Variants in MYOG observed in about 807,000 individuals in gnomAD.
The protein encoded by MYOG is class C basic helix-loop-helix protein 3.
MYOG carries 6 observed loss-of-function variants against 17.7 expected under a neutral mutation model. The observed-to-expected ratio is 0.34, with a 90% CI of 0.19 to 0.67. MYOG has a LOEUF of 0.67. Among genes scored for constraint, MYOG ranks in the 30% least tolerant of loss-of-function variants. MYOG has a pLI of 0.69. For missense variants in MYOG, 272 were observed against 302.0 expected (o/e 0.90, Z 0.74); for synonymous variants, 125 against 130.2 (o/e 0.96, Z 0.27).
intron 1 of MYOG, among the ~76,000 whole-genome samples, chr1:203,085,257 A>G (rs1571761856): frequency 6.6e-6 from 1 of 151,704 alleles, no homozygotes; most frequent in Admixed American, 6.6e-5. Flanking sequence ...TATGTTCCCC[A>G]CCCCAACCCC....
intron 1 of MYOG, among the ~76,000 whole-genome samples, chr1:203,085,083 G>T (rs541911400): frequency 1.3e-4 from 20 of 152,202 alleles, no homozygotes; most frequent in Non-Finnish European, 2.1e-4. Flanking sequence ...GTTCCAATGA[G>T]ACTGAGTGGG....
chr1:203,084,661 C>A lies in MYOG; in HGVS notation c.539G>T (p.Ser180Ile). 6.2e-7 allele frequency: 1 copy of A among 1,610,824 alleles called. No individual in the cohort carries two copies. The change falls in exon 2 of 3, where the codon AGC becomes ATC. Residue 180 changes from serine to isoleucine, a missense_variant. Physicochemically the swap from Ser to Ile is moderately radical, Grantham distance 142. Transcript: ENST00000241651. ...SPEWGSALEF[S>I]ANPGDHLLTA... is the part of the protein sequence containing the mutation. ...GCCTTACTTACCCCCTGGGTTGGCG[C>A]TGAACTCCAGTGCACTGCCCCACTC...
chr1:203,085,497 C>CT lies in MYOG; in HGVS notation c.464dup (p.Pro156AlafsTer36), dbSNP rs1400538599. ...GGATGGGATGGCCACTTACCCCTGG[C>CT]TGGGGCCCGCCCCCGCCCCGGTAGC... On this transcript the variant is annotated frameshift_variant, in exon 1 of 3. Coordinates refer to ENST00000241651, the MANE Select transcript of MYOG (RefSeq NM_002479.6). LOFTEE classifies it high-confidence loss of function. 3.1e-6 allele frequency: 5 copies of CT among 1,611,376 alleles called. No individual in the cohort carries two copies. In the South Asian group the frequency reaches 5.5e-5, roughly 18 times the overall value.
chr1:203,085,623 G>C lies in MYOG; in HGVS notation c.339C>G (p.Asn113Lys), dbSNP rs530471669. ...GGATCTCCACCTTGGGCAGCCGCTGGTTGGGGTTGAGCAGGGTGCTTCTCT... is the reference window on the plus strand; with the variant it reads ...GGATCTCCACCTTGGGCAGCCGCTGCTTGGGGTTGAGCAGGGTGCTTCTCT... ...ALKRSTLLNPNQRLPKVEILR... is the reference protein window; with the variant it reads ...ALKRSTLLNPKQRLPKVEILR... The change falls in exon 1 of 3, where the codon AAC becomes AAG. Residue 113 changes from asparagine to lysine, a missense_variant. Physicochemically the swap from Asn to Lys is moderately conservative, Grantham distance 94 (BLOSUM62 0). Coordinates refer to ENST00000241651, the MANE Select transcript of MYOG (RefSeq NM_002479.6). The C allele has an allele frequency of 4.3e-6, 7 of 1,614,178 alleles. No homozygotes were observed. In the Admixed American group the frequency reaches 1.2e-4, roughly 27 times the overall value.
At chr1:203,084,581 G>C in intron 2 of MYOG, 66 bp downstream of exon 2, 1 of 1,375,146 alleles carries the variant, frequency 7.3e-7, no homozygotes. Flanking sequence ...AAGGTAAGAG[G>C]GGAGAACCTG....
At position 203,083,494 on chromosome 1, in the gene MYOG, C is replaced by G. The variant is rs747100413; in HGVS notation, c.*416G>C. The G allele has an allele frequency of 5.7e-5, 24 of 420,698 alleles. No homozygotes were observed. Among genetic ancestry groups the G allele is most frequent in the Admixed American group, 7.7e-5 (2 of 25,844 alleles). 26.1% of individuals were successfully genotyped at this position (420,698 alleles called of 1,614,324 possible). On this transcript the variant is annotated 3_prime_UTR_variant, in exon 3 of 3. Transcript: ENST00000241651. ...GCAGGCCCAGCCCAGCCACTGGCAT[C>G]GGGAAGAGACCAGAACAGGAGACGT... is the stretch of plus-strand genomic sequence containing the variant.
At chr1:203,084,793 G>T in intron 1 of MYOG, 65 bp from the exon 2 acceptor site, 1 of 1,465,540 alleles carries the variant, frequency 6.8e-7, no homozygotes, top group Non-Finnish European at 9.3e-7. Flanking sequence ...TCTCTGCCTA[G>T]TCCCAGTGGG....
Position 203,084,642 on chromosome 1 carries a change from CTT to C in MYOG, c.553+3_553+4del, listed in dbSNP as rs1653577106. The C allele has an allele frequency of 5.6e-6, 9 of 1,608,770 alleles. No homozygotes were observed. Among genetic ancestry groups the C allele is most frequent in the Admixed American group, 3.4e-5 (2 of 59,534 alleles). ...AGCCAAGGTTACCAGTCAGGCCTTA[CTT>C]ACCCCCTGGGTTGGCGCTGAACTCC... On this transcript the variant is annotated splice_donor_region_variant and intron_variant, in intron 2 of 2. Transcript: ENST00000241651.
In MYOG at chr1:203,085,502, GC is replaced by G. The variant is rs747155292; in HGVS notation, c.459del (p.Gln155SerfsTer98). 6.2e-7 allele frequency: 1 copy of G among 1,612,060 alleles called. No individual in the cohort carries two copies. On this transcript the variant is annotated frameshift_variant, in exon 1 of 3. Coordinates refer to ENST00000241651, the MANE Select transcript of MYOG (RefSeq NM_002479.6). LOFTEE classifies it high-confidence loss of function. ...GGATGGCCACTTACCCCTGGCTGGG[GC>G]CCGCCCCCGCCCCGGTAGCGGAGGT... The part of the protein sequence containing the change: ...ERDLRYRGGG[G>X]PQPGVPSECS...
In MYOG at chr1:203,084,693, G is replaced by T; in HGVS notation, c.507C>A (p.Cys169Ter). The change falls in exon 2 of 3, where the codon TGC becomes TGA. Residue 169 changes from cysteine to a stop codon, truncating the protein, a stop_gained. Transcript: ENST00000241651. LOFTEE classifies it high-confidence loss of function. ...CCAGTGCACTGCCCCACTCTGGACTGCAGGAGGCGCTGTGAGAGCTGCATT... is the reference window on the plus strand; with the variant it reads ...CCAGTGCACTGCCCCACTCTGGACTTCAGGAGGCGCTGTGAGAGCTGCATT... ...PSECSSHSAS[C>*]SPEWGSALEF... The T allele has an allele frequency of 1.2e-6, 2 of 1,611,704 alleles. No individual in the cohort carries two copies. The highest frequency in any genetic ancestry group is 1.7e-6 in the Non-Finnish European group (2 of 1,178,914).
Position 203,085,955 on chromosome 1 carries a change from G to A in MYOG, c.7C>T (p.Leu3=). The part of the protein sequence containing the change: ME[L]YETSPYFYQE... ...TAGAAGTAGGGGGATGTCTCATACAGCTCCATGGGGTCGGAAAAGGCTTGT... is the reference window on the plus strand; with the variant it reads ...TAGAAGTAGGGGGATGTCTCATACAACTCCATGGGGTCGGAAAAGGCTTGT... Residue 3 remains leucine, a synonymous_variant, in exon 1 of 3, where the codon CTG becomes TTG. Coordinates refer to ENST00000241651, the MANE Select transcript of MYOG (RefSeq NM_002479.6). The A allele has an allele frequency of 6.4e-7, 1 of 1,560,440 alleles. No individual in the cohort carries two copies. Among genetic ancestry groups the A allele is most frequent in the South Asian group, 1.2e-5 (1 of 81,742 alleles).
chr1:203,085,811 C>G lies in MYOG; in HGVS notation c.151G>C (p.Glu51Gln). 2 of 1,613,954 alleles carry G rather than the reference C, an allele frequency of 1.2e-6. No individual in the cohort carries two copies. Among genetic ancestry groups the G allele is most frequent in the Non-Finnish European group, 1.7e-6 (2 of 1,179,920 alleles). ...TLSPEAPGPLEDKGLGTPEHC... is the reference protein window; with the variant it reads ...TLSPEAPGPLQDKGLGTPEHC... ...TCGGGGGTCCCCAGCCCCTTGTCCTCAAGGGGCCCTGGGGCCTCGGGGCTC... is the reference window on the plus strand; with the variant it reads ...TCGGGGGTCCCCAGCCCCTTGTCCTGAAGGGGCCCTGGGGCCTCGGGGCTC... The change falls in exon 1 of 3, where the codon GAG becomes CAG. Residue 51 changes from glutamate to glutamine, a missense_variant. Physicochemically the swap from Glu to Gln is conservative, Grantham distance 29. Coordinates refer to ENST00000241651, the MANE Select transcript of MYOG (RefSeq NM_002479.6).
In MYOG at chr1:203,083,324, G is replaced by A. The variant is rs922035541; in HGVS notation, c.*586C>T. The A allele has an allele frequency of 5.9e-5, 11 of 185,816 alleles. No homozygotes were observed. Among genetic ancestry groups the A allele is most frequent in the South Asian group, 2.0e-4 (1 of 5,116 alleles). 11.5% of individuals were successfully genotyped at this position (185,816 alleles called of 1,614,324 possible). On this transcript the variant is annotated 3_prime_UTR_variant, in exon 3 of 3. Transcript: ENST00000241651. ...AACTTCAGCACAGGAGACCTTGGTC[G>A]GATGGCAGCTTTACAAACAACACAC...
At chr1:203,084,518 G>T in intron 2 of MYOG, 129 bp downstream of exon 2, 2 of 809,438 alleles carry the variant, frequency 2.5e-6, no homozygotes, top group Non-Finnish European at 4.0e-6. Context: ...TTTGGGCCTT[G>T]GAGTCAGCAG....
chr1:203,084,195 A>AGTGTGTGTGTGTGTGT (rs3835486), intron 2 of MYOG, among the ~76,000 whole-genome samples, 164 bp from the exon 3 acceptor site: 10,440 of 135,310 alleles, frequency 0.077, 709 homozygotes, highest in Non-Finnish European at 0.1. Context: ...ATGCTCTGTG[A>AGTGTGTGTGTGTGTGT]GTGTGTGTGT....
Position 203,085,764 on chromosome 1 carries a change from C to T in MYOG, c.198G>A (p.Leu66=). 3 of 1,614,092 alleles carry T rather than the reference C, an allele frequency of 1.9e-6. No homozygotes were observed. The highest frequency in any genetic ancestry group is 2.5e-6 in the Non-Finnish European group (3 of 1,180,000). ...TCTTACACACCTTACACGCCCACGG[C>T]AGGCACTGGCCTGGACAGTGCTCGG... is the stretch of plus-strand genomic sequence containing the variant. The part of the protein sequence containing the change: ...GTPEHCPGQC[L]PWACKVCKRK... The change falls in exon 1 of 3, where the codon CTG becomes CTA. Residue 66 remains leucine (L), a synonymous_variant. Coordinates refer to ENST00000241651, the MANE Select transcript of MYOG (RefSeq NM_002479.6).
rs563677112 is a variant in MYOG, at chr1:203,083,695, C to T, written c.*215G>A. 1.7e-3 allele frequency: 1,156 copies of T among 692,044 alleles called. 18 individuals are homozygous for T. The African/African-American group carries it at 0.019, about 12-fold the overall frequency. The allele number at this position is 692,044 out of a possible 1,614,324, so 42.9% of individuals were successfully genotyped here. A position where few individuals can be genotyped will look rare whatever the true frequency, so the allele number is the denominator to read the frequency against. ...CCTCCCTGGAAAGGGGATGCCCTCT[C>T]CTCTAAGGAGGCAGCTGAATGAGGG... On this transcript the variant is annotated 3_prime_UTR_variant, in exon 3 of 3. Coordinates refer to ENST00000241651, the MANE Select transcript of MYOG (RefSeq NM_002479.6).
In MYOG at chr1:203,084,195, A is replaced by AGTGTGTGTGTGTGTGTGTGTGTGTGT. The variant is rs3835486; in HGVS notation, c.554-190_554-165dup. Among the ~76,000 whole-genome samples the AGTGTGTGTGTGTGTGTGTGTGTGTGT allele has an allele frequency of 1.1e-3, 146 of 135,486 alleles. 1 individual carries two copies. The highest frequency in any genetic ancestry group is 4.8e-3 in the Admixed American group (64 of 13,440). 88.9% of individuals were successfully genotyped at this position (135,486 alleles called of 152,430 possible). The stretch of plus-strand genomic sequence containing the variant: ...TCCCTGCCTTTCCCCATGCTCTGTG[A>AGTGTGTGTGTGTGTGTGTGTGTGTGT]GTGTGTGTGTGTGTGTGTGTGTGTG... On this transcript the variant is annotated intron_variant, in intron 2 of 2. Coordinates refer to ENST00000241651, the MANE Select transcript of MYOG (RefSeq NM_002479.6).
At position 203,085,832 on chromosome 1, in the gene MYOG, G is replaced by A; in HGVS notation, c.130C>T (p.Pro44Ser). The change falls in exon 1 of 3, where the codon CCC becomes TCC. Residue 44 changes from proline to serine, a missense_variant. Pro to Ser is a moderately conservative substitution (Grantham distance 74, BLOSUM62 -1). Transcript: ENST00000241651. ...GYERTELTLS[P>S]EAPGPLEDKG... is the part of the protein sequence containing the mutation. The stretch of plus-strand genomic sequence containing the variant: ...TCCTCAAGGGGCCCTGGGGCCTCGG[G>A]GCTCAGGGTGAGCTCCGTCCGCTCG... The A allele has an allele frequency of 6.2e-7, 1 of 1,614,066 alleles. No individual in the cohort carries two copies. Among genetic ancestry groups the A allele is most frequent in the Non-Finnish European group, 8.5e-7 (1 of 1,179,962 alleles).
Sources: gnomAD v4.1 joint callset for allele counts (sites outside exome capture counted in the v4.1 genomes callset) on GRCh38, gnomAD v4.1.1 for gene constraint, MANE v1.5 for transcripts, NCBI Gene and HGNC (gene_info 2026-07-23, HGNC 2026-07-21) for gene names.